The following TRPS1 variants were observed in gnomAD, a reference collection of about 807,000 sequenced individuals.
TRPS1 encodes the protein zinc finger transcription factor Trps1.
Under a neutral mutation model 101.2 loss-of-function variants are expected in TRPS1, and 6 were observed. That is an observed-to-expected ratio of 0.06 (90% CI 0.03 to 0.12). The LOEUF (loss-of-function observed/expected upper bound fraction) is 0.12, where lower values mean the gene tolerates loss of function less well. Ranked by LOEUF, TRPS1 falls within the 10% of genes least tolerant of loss-of-function variation. TRPS1 has a pLI of 1.00. For missense variants in TRPS1, 1,363 were observed against 1,567.0 expected (o/e 0.87, Z 2.20); for synonymous variants, 578 against 589.8 (o/e 0.98, Z 0.29).
chr8:115,624,369 ATTT>A (rs906635019), intron 1 of TRPS1, among the ~76,000 whole-genome samples: 4 of 151,952 alleles, frequency 2.6e-5, no homozygotes, highest in African/African-American at 9.7e-5. Flanking sequence ...CAAAATTGCT[ATTT>A]TAAGTCCTCT....
chr8:115,501,361 A>G (rs1474160656), intron 5 of TRPS1, among the ~76,000 whole-genome samples: 1 of 152,246 alleles, frequency 6.6e-6, no homozygotes, highest in Non-Finnish European at 1.5e-5. Context: ...TAGTAGGGAG[A>G]TAAGCATGCA....
intron 5 of TRPS1, among the ~76,000 whole-genome samples, chr8:115,434,404 A>G (rs1333170316): frequency 6.6e-6 from 1 of 152,164 alleles, no homozygotes; most frequent in Non-Finnish European, 1.5e-5. Flanking sequence ...TTGTAACATA[A>G]TCCCTGAATA....
intron 5 of TRPS1, among the ~76,000 whole-genome samples, chr8:115,570,185 A>C (rs909285253): frequency 6.6e-6 from 1 of 152,092 alleles, no homozygotes; most frequent in African/African-American, 2.4e-5. Flanking sequence ...ACGAACCCTA[A>C]ATTGCTGTAA....
intron 5 of TRPS1, among the ~76,000 whole-genome samples, chr8:115,504,499 C>T (rs985521677): frequency 6.6e-6 from 1 of 152,208 alleles, no homozygotes; most frequent in Non-Finnish European, 1.5e-5. Flanking sequence ...TAATATAATT[C>T]AGTGCCCTCA....
chr8:115,464,113 AT>A (rs143220712), intron 5 of TRPS1, among the ~76,000 whole-genome samples: 6 of 151,170 alleles, frequency 4.0e-5, no homozygotes, highest in South Asian at 2.1e-4. Flanking sequence ...AGCTGTCTTG[AT>A]TTTTTTTTGC....
intron 5 of TRPS1, among the ~76,000 whole-genome samples, chr8:115,493,198 A>T (rs7011228): frequency 6.6e-6 from 1 of 152,164 alleles, no homozygotes; most frequent in Admixed American, 6.5e-5. Context: ...TTGAACTTAC[A>T]GGTTTTTAGC....
At chr8:115,622,363 A>G (rs910351445) in intron 2 of TRPS1, among the ~76,000 whole-genome samples, 1 of 152,204 alleles carries the variant, frequency 6.6e-6, no homozygotes, top group Non-Finnish European at 1.5e-5. Context: ...CTAGTAGTCA[A>G]TAAAGGGAAA....
chr8:115,575,225 T>C (rs1036812163), intron 5 of TRPS1, among the ~76,000 whole-genome samples: 4 of 152,122 alleles, frequency 2.6e-5, no homozygotes. Flanking sequence ...AAGAAATCGA[T>C]AGACAGTTTT....
At chr8:115,432,914 A>G (rs986586566) in intron 5 of TRPS1, among the ~76,000 whole-genome samples, 2 of 151,752 alleles carry the variant, frequency 1.3e-5, no homozygotes, top group Non-Finnish European at 2.9e-5. Flanking sequence ...CTTAATGATG[A>G]AAATAGGCTG....
chr8:115,517,271 C>T (rs961211906), intron 5 of TRPS1, among the ~76,000 whole-genome samples: 2 of 151,614 alleles, frequency 1.3e-5, no homozygotes, highest in African/African-American at 4.8e-5. Flanking sequence ...CATGCAAAAG[C>T]TTCACTTTTA....
chr8:115,414,932 C>A lies in TRPS1; in HGVS notation c.2976G>T (p.Pro992=), dbSNP rs201030937. Residue 992 remains proline (P), a synonymous_variant, in exon 7 of 7, where the codon CCG becomes CCT. Coordinates refer to ENST00000395715, the MANE Select transcript of TRPS1 (RefSeq NM_014112.5). This position sits in a 1 kb window ranked among gnomAD's most constrained non-coding sequence, Gnocchi z 4.8. The part of the protein sequence containing the change: ...GSNEEQVNGS[P]LERRSEDHLT... ...GATGATCTTCTGACCTCCTCTCTAA[C>A]GGGCTTCCATTGACTTGCTCCTCAT... is the stretch of plus-strand genomic sequence containing the variant. The A allele has an allele frequency of 5.6e-6, 9 of 1,601,296 alleles. No individual in the cohort carries two copies. Among genetic ancestry groups the A allele is most frequent in the Non-Finnish European group, 7.7e-6 (9 of 1,173,798 alleles).
chr8:115,457,460 G>T (rs994079000), intron 5 of TRPS1, among the ~76,000 whole-genome samples: 1 of 152,092 alleles, frequency 6.6e-6, no homozygotes, highest in Non-Finnish European at 1.5e-5. Context: ...CTGAAGGGAG[G>T]AGGGAATGGG....
At position 115,414,868 on chromosome 8, in the gene TRPS1, G is replaced by C; in HGVS notation, c.3040C>G (p.Leu1014Val). 1 of 1,613,202 alleles carries C rather than the reference G, an allele frequency of 6.2e-7. No homozygotes were observed. The highest frequency in any genetic ancestry group is 8.5e-7 in the Non-Finnish European group (1 of 1,179,520). The change falls in exon 7 of 7, where the codon CTA (leucine) becomes GTA (valine). Residue 1014 changes from leucine (L) to valine (V), a missense_variant. By Grantham distance (32) the Leu-to-Val change is conservative (BLOSUM62 1). Coordinates refer to ENST00000395715, the MANE Select transcript of TRPS1 (RefSeq NM_014112.5). The surrounding 1 kb of genome is among the most constrained non-coding windows in gnomAD (Gnocchi z 4.8). ...GAACCCTGGGCTTCGTATTTACTTA[G>C]GCTGGGGAGTGGAATTTCTCTCTGG... ...SHQREIPLPS[L>V]SKYEAQGSLT...
At chr8:115,445,446 A>G (rs910521282) in intron 5 of TRPS1, among the ~76,000 whole-genome samples, 1 of 152,188 alleles carries the variant, frequency 6.6e-6, no homozygotes, top group Non-Finnish European at 1.5e-5. Flanking sequence ...CTTACCATAC[A>G]TCTTGAGTTA....
rs1814098037 is a variant in TRPS1, at chr8:115,459,019, G to A, written c.2701-40567C>T. ...CTTTTAACTAAAAAAAATAAATTTT[G>A]TTCACGTCTTGGAGGTTGTAAAAGT... On this transcript the variant is annotated intron_variant, in intron 5 of 6. Coordinates refer to ENST00000395715, the MANE Select transcript of TRPS1 (RefSeq NM_014112.5). Among the ~76,000 whole-genome samples, 3 of 151,966 alleles carry A rather than the reference G, an allele frequency of 2.0e-5. No homozygotes were observed. In the South Asian group the frequency reaches 6.2e-4, roughly 31 times the overall value.
At chr8:115,536,088 G>C (rs542778158) in intron 5 of TRPS1, among the ~76,000 whole-genome samples, 13 of 152,150 alleles carry the variant, frequency 8.5e-5, no homozygotes, top group African/African-American at 3.1e-4. Flanking sequence ...TCAATGTAAA[G>C]CACTAAGGTA....
At position 115,604,489 on chromosome 8, in the gene TRPS1, T is replaced by G; in HGVS notation, c.1480A>C (p.Ile494Leu). The G allele has an allele frequency of 6.2e-7, 1 of 1,614,142 alleles. No individual in the cohort carries two copies. The highest frequency in any genetic ancestry group is 1.7e-5 in the Admixed American group (1 of 60,006). Residue 494 changes from isoleucine to leucine, a missense_variant, in exon 4 of 7, where the codon ATT (isoleucine) becomes CTT (leucine). By Grantham distance (5) the Ile-to-Leu change is conservative. Coordinates refer to ENST00000395715, the MANE Select transcript of TRPS1 (RefSeq NM_014112.5). This position sits in a 1 kb window ranked among gnomAD's most constrained non-coding sequence, Gnocchi z 4.1. ...LNDKLSRGSVINQNDLAKSSE... is the reference protein window; with the variant it reads ...LNDKLSRGSVLNQNDLAKSSE... ...CTTTTGGCTAGATCATTCTGATTAA[T>G]GACAGAGCCCCTGGAAAGCTTATCA...
intron 5 of TRPS1, among the ~76,000 whole-genome samples, chr8:115,532,757 T>C (rs1430436778): frequency 6.6e-6 from 1 of 152,162 alleles, no homozygotes; most frequent in African/African-American, 2.4e-5. Context: ...TGAATAAATC[T>C]GACTGGTCTG....
chr8:115,600,765 G>A (rs778019609), intron 4 of TRPS1, among the ~76,000 whole-genome samples: 4 of 151,612 alleles, frequency 2.6e-5, no homozygotes, highest in Non-Finnish European at 4.4e-5. Flanking sequence ...CCTCCTACTC[G>A]TGCCAAAAAC....
Sources: allele counts gnomAD v4.1 joint callset (sites outside exome capture counted in the v4.1 genomes callset), GRCh38; gene constraint gnomAD v4.1.1; non-coding constraint Gnocchi (gnomAD v3.1); transcripts MANE v1.5; gene names NCBI Gene and HGNC (gene_info 2026-07-23, HGNC 2026-07-21).